The following SLC33A2 variants were observed in gnomAD, a reference collection of about 807,000 sequenced individuals.
The protein encoded by SLC33A2 is solute carrier family 33 member 2.
At chr8:144,509,107 G>T in the SLC33A2 span, 4 of 458,188 alleles carry the variant, frequency 8.7e-6, no homozygotes, top group Non-Finnish European at 1.5e-5. Context: ...CCGGTGTCCG[G>T]ACCGCTCGCC....
the SLC33A2 span, chr8:144,511,032 G>A: frequency 1.8e-5 from 29 of 1,603,948 alleles, no homozygotes; most frequent in African/African-American, 1.9e-4. Flanking sequence ...AGCTGCTGGG[G>A]AAGCTGCTGC....
the SLC33A2 span, chr8:144,510,759 G>A: frequency 6.2e-7 from 1 of 1,608,198 alleles, no homozygotes; most frequent in Non-Finnish European, 8.5e-7. Context: ...AGAGGGGCCA[G>A]GAGCCTGGGG....
At chr8:144,511,053 G>T in the SLC33A2 span, 1 of 1,606,310 alleles carries the variant, frequency 6.2e-7, no homozygotes. Context: ...TGGGCACTCT[G>T]GCCGGAGGCC....
chr8:144,510,197 G>A, the SLC33A2 span: 31 of 1,302,350 alleles, frequency 2.4e-5, no homozygotes, highest in Middle Eastern at 8.1e-4. Flanking sequence ...CCCAGCTCTA[G>A]CCCCATCCCT....
At chr8:144,509,668 C>A in the SLC33A2 span, 1 of 1,553,552 alleles carries the variant, frequency 6.4e-7, no homozygotes. Context: ...AACCTGGGTG[C>A]CGCCATGCAG....
chr8:144,510,153 G>C, the SLC33A2 span: 4 of 1,295,786 alleles, frequency 3.1e-6, no homozygotes, highest in Non-Finnish European at 4.2e-6. Flanking sequence ...CTGACATCCG[G>C]GGCTCTGCAG....
chr8:144,509,572 T>C, the SLC33A2 span: 10 of 1,525,782 alleles, frequency 6.6e-6, no homozygotes, highest in African/African-American at 1.4e-5. Context: ...CTGGGCCTGG[T>C]GTGTGGGCTG....
chr8:144,510,015 GGTGA>G, the SLC33A2 span: 25 of 1,592,832 alleles, frequency 1.6e-5, no homozygotes, highest in African/African-American at 9.4e-5. Context: ...CTACAAGCTG[GGTGA>G]GTGAGGCCTC....
chr8:144,511,180 T>C, the SLC33A2 span: 1 of 1,604,464 alleles, frequency 6.2e-7, no homozygotes, highest in South Asian at 1.1e-5. Flanking sequence ...GTGGCTGGAG[T>C]GGTCAATAAA....
At chr8:144,510,783 T>C in the SLC33A2 span, 2 of 1,611,150 alleles carry the variant, frequency 1.2e-6, no homozygotes, top group Non-Finnish European at 1.7e-6. Flanking sequence ...TGCTGACTTC[T>C]GCCCTCCCAG....
the SLC33A2 span, chr8:144,509,145 TG>T: frequency 1.8e-6 from 1 of 549,244 alleles, no homozygotes; most frequent in Non-Finnish European, 3.0e-6. Flanking sequence ...TCGGTTCTTC[TG>T]GGGTGTTGAT....
the SLC33A2 span, chr8:144,510,246 C>G: frequency 2.3e-5 from 34 of 1,494,882 alleles, no homozygotes; most frequent in Non-Finnish European, 2.9e-5. Context: ...CCCCCAGTAT[C>G]TGCAGCTCTG....
At chr8:144,510,464 A>C in the SLC33A2 span, 1 of 1,612,776 alleles carries the variant, frequency 6.2e-7, no homozygotes, top group Non-Finnish European at 8.5e-7. Context: ...GGTCTGCTCC[A>C]TCGCTGGCTC....
chr8:144,511,077 G>A, the SLC33A2 span: 1 of 1,608,656 alleles, frequency 6.2e-7, no homozygotes, highest in Non-Finnish European at 8.5e-7. Flanking sequence ...CTGATGGGTT[G>A]GGGCCACATC....
At chr8:144,509,454 G>A in the SLC33A2 span, 1 of 1,535,156 alleles carries the variant, frequency 6.5e-7, no homozygotes, top group Non-Finnish European at 8.7e-7. Context: ...GACGCGCGTG[G>A]GGCTGGCCAA....
At chr8:144,510,536 C>T in the SLC33A2 span, 46 of 1,611,754 alleles carry the variant, frequency 2.9e-5, no homozygotes, top group East Asian at 1.6e-4. Context: ...ACCCTGCCCA[C>T]CCACTTGTAC....
chr8:144,510,944 T>C, the SLC33A2 span: 1 of 1,599,638 alleles, frequency 6.3e-7, no homozygotes. Context: ...ACCACGGGGC[T>C]GGGGCTGTGT....
the SLC33A2 span, chr8:144,510,190 A>C: frequency 1.6e-6 from 2 of 1,283,590 alleles, no homozygotes; most frequent in South Asian, 2.9e-5. Flanking sequence ...GTCCGCCCCC[A>C]GCTCTAGCCC....
the SLC33A2 span, chr8:144,510,984 C>G: frequency 6.2e-6 from 10 of 1,600,146 alleles, no homozygotes; most frequent in Non-Finnish European, 8.5e-6. Context: ...ACCCCCACCC[C>G]CCTCAGGCCA....
Sources: allele counts gnomAD v4.1 joint callset, GRCh38; gene constraint gnomAD v4.1.1; transcripts MANE v1.5; gene names NCBI Gene and HGNC (gene_info 2026-07-23, HGNC 2026-07-21).